B3GALT1: variants seen among roughly 807,000 people sequenced by gnomAD.
B3GALT1 encodes the protein beta-1,3-galactosyltransferase 1, also known as UDP-Gal:betaGlcNAc beta 1,3-galactosyltransferase, polypeptide 1.
A neutral mutation model predicts 23.2 loss-of-function variants in B3GALT1; 10 were observed. The ratio of observed to expected loss-of-function variants is 0.43; its 90% confidence interval spans 0.27 to 0.73. B3GALT1 has a LOEUF of 0.73. Ranked by LOEUF, B3GALT1 falls within the 30% of genes least tolerant of loss-of-function variation. The probability of loss-of-function intolerance (pLI) is 0.21; values close to 1 mark genes in which losing one functional copy is unlikely to be tolerated. For missense variants in B3GALT1, 299 were observed against 405.4 expected (o/e 0.74, Z 2.25); for synonymous variants, 156 against 141.5 (o/e 1.10, Z -0.73).
At chr2:167,712,605 C>G (rs115118937) in intron 3 of B3GALT1, among the ~76,000 whole-genome samples, 2 of 151,934 alleles carry the variant, frequency 1.3e-5, no homozygotes, top group African/African-American at 4.8e-5. Flanking sequence ...TCTGAAGGTG[C>G]CTTGCTCACT....
At chr2:167,419,014 G>A (rs1698509651) in intron 1 of B3GALT1, among the ~76,000 whole-genome samples, 1 of 152,152 alleles carries the variant, frequency 6.6e-6, no homozygotes, top group South Asian at 2.1e-4. Context: ...GGAATGAGAT[G>A]GCTCTGTGTG....
intron 2 of B3GALT1, among the ~76,000 whole-genome samples, chr2:167,496,431 GT>G (rs1422191270): frequency 8.5e-5 from 13 of 152,174 alleles, no homozygotes; most frequent in African/African-American, 2.9e-4. Context: ...AGAAAGAAAT[GT>G]AATTAGCATG....
intron 2 of B3GALT1, among the ~76,000 whole-genome samples, chr2:167,581,542 G>T (rs1684483330): frequency 6.6e-6 from 1 of 152,090 alleles, no homozygotes; most frequent in African/African-American, 2.4e-5. Context: ...TTCTTAAACG[G>T]ATATATCTGG....
At chr2:167,495,890 G>T (rs1699776978) in intron 2 of B3GALT1, among the ~76,000 whole-genome samples, 1 of 152,158 alleles carries the variant, frequency 6.6e-6, no homozygotes, top group African/African-American at 2.4e-5. Context: ...TATTATTAAT[G>T]TTTATTAAAA....
In B3GALT1 at chr2:167,582,881, G is replaced by C. The variant is rs535321222; in HGVS notation, c.-409-64028G>C. Among the ~76,000 whole-genome samples the C allele has an allele frequency of 3.9e-5, 6 of 152,256 alleles. No homozygotes were observed. In the South Asian group the frequency reaches 1.2e-3, roughly 32 times the overall value. On this transcript the variant is annotated intron_variant, in intron 2 of 4. Coordinates refer to ENST00000392690, the MANE Select transcript of B3GALT1 (RefSeq NM_020981.4). ...CAGCTCTGTCTCACACTCATGTTGA[G>C]CTTCTGCCATGCTCCTCAAGGCAGC...
At chr2:167,519,436 T>G (rs892738702) in intron 2 of B3GALT1, among the ~76,000 whole-genome samples, 3 of 152,182 alleles carry the variant, frequency 2.0e-5, no homozygotes, top group African/African-American at 7.2e-5. Context: ...TTTTATCCAG[T>G]TTGCTTTGTA....
At chr2:167,536,180 T>A (rs1004171877) in intron 2 of B3GALT1, among the ~76,000 whole-genome samples, 1 of 152,088 alleles carries the variant, frequency 6.6e-6, no homozygotes, top group Non-Finnish European at 1.5e-5. Flanking sequence ...GTGCTGGGAT[T>A]ATAGGAGTGA....
At chr2:167,491,598 A>C (rs1699711297) in intron 2 of B3GALT1, among the ~76,000 whole-genome samples, 1 of 150,198 alleles carries the variant, frequency 6.7e-6, no homozygotes, top group South Asian at 2.1e-4. Flanking sequence ...GCAGATCACG[A>C]GGTCAGGAGA....
intron 4 of B3GALT1, among the ~76,000 whole-genome samples, chr2:167,825,321 A>AACTT (rs941864243): frequency 1.4e-5 from 2 of 147,416 alleles, no homozygotes; most frequent in African/African-American, 5.2e-5. Context: ...AAACAAGCAA[A>AACTT]ACTTAGAGTG....
chr2:167,338,040 A>C (rs1277363678), intron 1 of B3GALT1, among the ~76,000 whole-genome samples: 1 of 152,188 alleles, frequency 6.6e-6, no homozygotes, highest in Admixed American at 6.5e-5. Context: ...GACTGAAAGA[A>C]ACACTGAATA....
intron 1 of B3GALT1, among the ~76,000 whole-genome samples, chr2:167,471,103 T>C (rs886070484): frequency 1.3e-5 from 2 of 152,206 alleles, no homozygotes; most frequent in African/African-American, 4.8e-5. Context: ...TAAAAATAGA[T>C]AAGCAGAATG....
intron 1 of B3GALT1, among the ~76,000 whole-genome samples, chr2:167,319,092 T>C (rs2105491548): frequency 6.6e-6 from 1 of 152,258 alleles, no homozygotes; most frequent in Non-Finnish European, 1.5e-5. Flanking sequence ...TGTCTTGCTC[T>C]GAGATGGTTT....
chr2:167,563,400 G>A (rs1228067905), intron 2 of B3GALT1, among the ~76,000 whole-genome samples: 19 of 134,422 alleles, frequency 1.4e-4, no homozygotes, highest in South Asian at 5.0e-4. Flanking sequence ...GCGGCTGGCC[G>A]GGCGGGGGGC....
intron 4 of B3GALT1, among the ~76,000 whole-genome samples, chr2:167,867,779 T>C (rs1690263149): frequency 6.6e-6 from 1 of 152,172 alleles, no homozygotes; most frequent in Non-Finnish European, 1.5e-5. Flanking sequence ...GAAGAAACAA[T>C]TTTTTACATG....
chr2:167,438,908 C>T (rs1698831742), intron 1 of B3GALT1, among the ~76,000 whole-genome samples: 1 of 152,098 alleles, frequency 6.6e-6, no homozygotes, highest in South Asian at 2.1e-4. Context: ...GACTATTTCC[C>T]CCTCTCCCAT....
chr2:167,804,185 T>A (rs1044554386), intron 3 of B3GALT1, among the ~76,000 whole-genome samples: 6 of 152,142 alleles, frequency 3.9e-5, no homozygotes, highest in African/African-American at 7.2e-5. Flanking sequence ...AGACGAGATT[T>A]CACCACGTTG....
intron 1 of B3GALT1, among the ~76,000 whole-genome samples, chr2:167,298,897 CTAGG>C (rs1696401368): frequency 6.6e-6 from 1 of 150,904 alleles, no homozygotes; most frequent in African/African-American, 2.4e-5. Flanking sequence ...AACAAAAAAA[CTAGG>C]TAGAGAGGGA....
chr2:167,564,470 G>T (rs1042356653), intron 2 of B3GALT1, among the ~76,000 whole-genome samples: 8 of 152,190 alleles, frequency 5.3e-5, no homozygotes, highest in Non-Finnish European at 1.2e-4. Flanking sequence ...TGGCGGCCGG[G>T]CAGAGGCTGC....
intron 1 of B3GALT1, among the ~76,000 whole-genome samples, chr2:167,454,708 A>G (rs952306958): frequency 2.0e-5 from 3 of 152,310 alleles, no homozygotes; most frequent in East Asian, 3.9e-4. Context: ...AATAAACAAA[A>G]TTCCCATCTG....
Sources: gnomAD v4.1 joint callset for allele counts (sites outside exome capture counted in the v4.1 genomes callset) on GRCh38, gnomAD v4.1.1 for gene constraint, MANE v1.5 for transcripts, NCBI Gene and HGNC (gene_info 2026-07-23, HGNC 2026-07-21) for gene names.